Variants in LUZP2 observed in about 807,000 individuals in gnomAD.
LUZP2 encodes the protein leucine zipper protein 2.
LUZP2 carries 52 observed loss-of-function variants against 51.6 expected under a neutral mutation model. The observed-to-expected ratio is 1.01, with a 90% CI of 0.81 to 1.27. The LOEUF (loss-of-function observed/expected upper bound fraction) is 1.27. LUZP2 is among the 50% of genes most tolerant of loss of function. LUZP2 has a pLI of 0.00. For missense variants in LUZP2, 436 were observed against 395.4 expected (o/e 1.10, Z -0.87); for synonymous variants, 154 against 137.3 (o/e 1.12, Z -0.85).
intron 1 of LUZP2, among the ~76,000 whole-genome samples, chr11:24,518,375 G>C (rs1214274442): frequency 6.6e-6 from 1 of 151,960 alleles, no homozygotes. Flanking sequence ...TTTAATGTCT[G>C]ATATGCCTAT....
intron 5 of LUZP2, among the ~76,000 whole-genome samples, chr11:24,890,158 A>G (rs993789864): frequency 1.3e-5 from 2 of 152,222 alleles, no homozygotes; most frequent in Non-Finnish European, 2.9e-5. Context: ...GTAATTGTGA[A>G]TTAATAAATG....
intron 1 of LUZP2, among the ~76,000 whole-genome samples, chr11:24,608,141 G>T (rs1374268075): frequency 6.6e-6 from 1 of 152,052 alleles, no homozygotes; most frequent in Non-Finnish European, 1.5e-5. Flanking sequence ...GAGCCACTGC[G>T]CCCGGCATCT....
intron 10 of LUZP2, among the ~76,000 whole-genome samples, chr11:25,064,821 A>G (rs1489869247): frequency 6.6e-6 from 1 of 152,040 alleles, no homozygotes; most frequent in Admixed American, 6.6e-5. Context: ...TCCCAGCATG[A>G]TGGCCCTTGA....
chr11:24,598,308 G>GT (rs1306525643), intron 1 of LUZP2, among the ~76,000 whole-genome samples: 8 of 151,900 alleles, frequency 5.3e-5, no homozygotes, highest in Admixed American at 5.3e-4. Flanking sequence ...CAATCAAAAT[G>GT]TTTTTTGTAC....
At chr11:25,020,873 A>G in intron 9 of LUZP2, among the ~76,000 whole-genome samples, 1 of 152,102 alleles carries the variant, frequency 6.6e-6, no homozygotes, top group East Asian at 1.9e-4. Flanking sequence ...TATCCAAGAG[A>G]ATAATTTGGA....
At chr11:24,851,137 T>G (rs565046415) in intron 5 of LUZP2, among the ~76,000 whole-genome samples, 1 of 152,318 alleles carries the variant, frequency 6.6e-6, no homozygotes, top group East Asian at 1.9e-4. Flanking sequence ...TGGCCAGAAC[T>G]TCCAATATTC....
intron 4 of LUZP2, among the ~76,000 whole-genome samples, chr11:24,747,519 G>T (rs1447895810): frequency 6.6e-6 from 1 of 152,100 alleles, no homozygotes; most frequent in Non-Finnish European, 1.5e-5. Flanking sequence ...TTTTGTACTG[G>T]TTGGCCTCCT....
Position 24,686,048 on chromosome 11 carries a change from T to A in LUZP2, c.63-43121T>A, listed in dbSNP as rs926837916. Reference sequence around the variant, plus strand: ...CATTCCTCTCAAATTTACGAAATCATTTCACTCTTCTTTCTTGAAGGACTG... The same window carrying A: ...CATTCCTCTCAAATTTACGAAATCAATTCACTCTTCTTTCTTGAAGGACTG... On this transcript the variant is annotated intron_variant, in intron 1 of 11. Transcript: ENST00000336930. 3.3e-5 allele frequency among the ~76,000 whole-genome samples: 5 copies of A among 152,296 alleles called. No individual in the cohort carries two copies. The East Asian group carries it at 9.7e-4, about 29-fold the overall frequency.
chr11:24,705,661 A>G (rs1857555471), intron 1 of LUZP2, among the ~76,000 whole-genome samples: 1 of 152,184 alleles, frequency 6.6e-6, no homozygotes, highest in East Asian at 1.9e-4. Context: ...TGCAATTACC[A>G]TATTGCAAAT....
At chr11:24,819,493 G>A (rs1039945151) in intron 5 of LUZP2, among the ~76,000 whole-genome samples, 6 of 152,028 alleles carry the variant, frequency 3.9e-5, no homozygotes, top group Admixed American at 2.0e-4. Flanking sequence ...TTCTGTTGAC[G>A]TATATGCCCA....
At chr11:25,034,274 A>G (rs1402952914) in intron 9 of LUZP2, among the ~76,000 whole-genome samples, 1 of 151,856 alleles carries the variant, frequency 6.6e-6, no homozygotes, top group East Asian at 1.9e-4. Flanking sequence ...TAACAGGGTT[A>G]TTTGTTTTTT....
intron 1 of LUZP2, among the ~76,000 whole-genome samples, chr11:24,631,240 T>C (rs576017565): frequency 1.3e-5 from 2 of 151,990 alleles, no homozygotes; most frequent in Admixed American, 1.3e-4. Flanking sequence ...AAATGAGTGG[T>C]GAAAGTGGGC....
At chr11:25,075,108 G>A (rs913473917) in intron 10 of LUZP2, among the ~76,000 whole-genome samples, 7 of 152,160 alleles carry the variant, frequency 4.6e-5, no homozygotes, top group African/African-American at 1.4e-4. Flanking sequence ...GAGCAAAACA[G>A]AGTGATTATA....
Position 24,788,709 on chromosome 11 carries a change from T to C in LUZP2, c.396+25401T>C, listed in dbSNP as rs769725675. Among the ~76,000 whole-genome samples the C allele has an allele frequency of 4.1e-4, 63 of 152,248 alleles. 1 individual carries two copies. Among genetic ancestry groups the C allele is most frequent in the Middle Eastern group, 3.4e-3 (1 of 294 alleles). On this transcript the variant is annotated intron_variant, in intron 5 of 11. Coordinates refer to ENST00000336930, the MANE Select transcript of LUZP2 (RefSeq NM_001009909.4). ...CTTCCTTGATTATGGAGGCTGCCAA[T>C]TCCATAATCTATATGGCAAGCAGGC...
chr11:24,750,504 A>C (rs1401177569), intron 4 of LUZP2, among the ~76,000 whole-genome samples: 1 of 152,236 alleles, frequency 6.6e-6, no homozygotes, highest in Admixed American at 6.5e-5. Flanking sequence ...ACAAATTAAG[A>C]ATATAGAATC....
intron 1 of LUZP2, among the ~76,000 whole-genome samples, chr11:24,635,891 A>G (rs1433410249): frequency 1.3e-5 from 2 of 152,120 alleles, no homozygotes; most frequent in Non-Finnish European, 2.9e-5. Flanking sequence ...AGCTGGTCTA[A>G]GCACAAGGTG....
chr11:24,827,132 T>G (rs555483460), intron 5 of LUZP2, among the ~76,000 whole-genome samples: 1 of 152,320 alleles, frequency 6.6e-6, no homozygotes, highest in East Asian at 1.9e-4. Context: ...ATGTATAAGA[T>G]TGAATGGCCA....
At chr11:24,673,463 A>T (rs1416936534) in intron 1 of LUZP2, among the ~76,000 whole-genome samples, 1 of 152,142 alleles carries the variant, frequency 6.6e-6, no homozygotes, top group Non-Finnish European at 1.5e-5. Flanking sequence ...TGCAGGGTGC[A>T]GGGGTGGTCA....
At chr11:24,905,909 T>TA in intron 5 of LUZP2, 82 bp from the exon 6 acceptor site, 2 of 996,004 alleles carry the variant, frequency 2.0e-6, no homozygotes, top group Non-Finnish European at 3.2e-6. Flanking sequence ...GAACAGAACA[T>TA]AAAGCAATAA....
Sources: allele counts gnomAD v4.1 joint callset (sites outside exome capture counted in the v4.1 genomes callset), GRCh38; gene constraint gnomAD v4.1.1; transcripts MANE v1.5; gene names NCBI Gene and HGNC (gene_info 2026-07-23, HGNC 2026-07-21).